The following SLC28A1 variants were observed in gnomAD, a reference collection of about 807,000 sequenced individuals.
SLC28A1 encodes solute carrier family 28 member 1.
SLC28A1 carries 64 observed loss-of-function variants against 74.8 expected under a neutral mutation model. The observed-to-expected ratio is 0.86, with a 90% CI of 0.70 to 1.05. The LOEUF is 1.05. Among genes scored for constraint, SLC28A1 ranks in the 50% least tolerant of loss-of-function variants. The pLI is 0.00. For missense variants in SLC28A1, 828 were observed against 822.8 expected, an observed-to-expected ratio of 1.01 and a Z score of -0.08; for synonymous variants, 359 against 335.0, an observed-to-expected ratio of 1.07 and a Z score of -0.78.
chr15:84,926,305 T>G (rs1970506283), intron 12 of SLC28A1, among the ~76,000 whole-genome samples: 1 of 151,390 alleles, frequency 6.6e-6, no homozygotes, highest in African/African-American at 2.4e-5. Context: ...CTCAAGCAAT[T>G]CTCCCACCTC....
chr15:84,895,832 TGAA>T, intron 6 of SLC28A1: 1 of 1,083,856 alleles, frequency 9.2e-7, no homozygotes, highest in Non-Finnish European at 1.1e-6. Flanking sequence ...ATTTTGTTGA[TGAA>T]GAAGCTGGTG....
rs1320134123 is a variant in SLC28A1 at position 84,920,249 on chromosome 15, C to A, written c.877-740C>A. On this transcript the variant is annotated intron_variant, in intron 10 of 18. Coordinates refer to ENST00000394573, the MANE Select transcript of SLC28A1 (RefSeq NM_004213.5). ...TCACCTGAGGTCAGGAGTTCGAGAC[C>A]AGTCTGGCCAACATAGTGAAACCTC... 2.0e-5 allele frequency among the ~76,000 whole-genome samples: 3 copies of A among 152,150 alleles called. No homozygotes were observed. In the East Asian group the frequency reaches 5.8e-4, roughly 29 times the overall value.
chr15:84,899,198 A>G (rs189775576), intron 6 of SLC28A1, among the ~76,000 whole-genome samples: 29 of 152,168 alleles, frequency 1.9e-4, no homozygotes, highest in Non-Finnish European at 3.4e-4. Flanking sequence ...AAAAAAATCA[A>G]CTCTAGAATA....
At chr15:84,891,806 G>T (rs756904869) in intron 5 of SLC28A1, among the ~76,000 whole-genome samples, 9 of 152,196 alleles carry the variant, frequency 5.9e-5, no homozygotes, top group African/African-American at 9.7e-5. Context: ...ATCAGGCGGG[G>T]AGGCTGAATG....
intron 12 of SLC28A1, among the ~76,000 whole-genome samples, chr15:84,928,150 C>T (rs1045898253): frequency 6.6e-6 from 1 of 152,184 alleles, no homozygotes; most frequent in Non-Finnish European, 1.5e-5. Context: ...TCCCCATTGA[C>T]AGGGCCTGGG....
chr15:84,920,275 A>G (rs1343803701), intron 10 of SLC28A1, among the ~76,000 whole-genome samples: 1 of 152,278 alleles, frequency 6.6e-6, no homozygotes, highest in East Asian at 1.9e-4. Context: ...GTGAAACCTC[A>G]TCTCTACTAA....
Position 84,890,429 on chromosome 15 carries a change from G to GA in SLC28A1, c.186-14_186-13insA. On this transcript the variant is annotated splice_polypyrimidine_tract_variant and intron_variant, in intron 4 of 18. Coordinates refer to ENST00000394573, the MANE Select transcript of SLC28A1 (RefSeq NM_004213.5). ...TGCTCATGCACTCATGGACCCTGCTGGTCTTGTTCCCAGGAGGAACCTGCA... is the reference window on the plus strand; with the variant it reads ...TGCTCATGCACTCATGGACCCTGCTGAGTCTTGTTCCCAGGAGGAACCTGCA... The GA allele has an allele frequency of 1.3e-6, 2 of 1,596,530 alleles. No individual in the cohort carries two copies. The highest frequency in any genetic ancestry group is 1.7e-6 in the Non-Finnish European group (2 of 1,170,498).
intron 15 of SLC28A1, among the ~76,000 whole-genome samples, chr15:84,942,963 T>C (rs935887831): frequency 1.3e-5 from 2 of 152,104 alleles, no homozygotes; most frequent in African/African-American, 4.8e-5. Context: ...GGTGGGCAGA[T>C]CATCTAAGGT....
chr15:84,944,933 G>T (rs890142380), intron 18 of SLC28A1, 66 bp downstream of exon 18: 3 of 1,253,460 alleles, frequency 2.4e-6, no homozygotes, highest in Non-Finnish European at 3.5e-6. Context: ...TGAGCGCTGG[G>T]GGGGATGCCT....
the SLC28A1 span, among the ~76,000 whole-genome samples, chr15:84,950,908 C>T: frequency 1.1e-3 from 167 of 152,218 alleles, 1 homozygote; most frequent in African/African-American, 3.7e-3. Flanking sequence ...CTACTCAACT[C>T]TGCACTTGTA....
chr15:84,929,500 C>T (rs551772196), intron 12 of SLC28A1, among the ~76,000 whole-genome samples: 12 of 151,082 alleles, frequency 7.9e-5, no homozygotes, highest in Middle Eastern at 3.4e-3. Flanking sequence ...GCCGAGATCG[C>T]CCCATTGCAC....
chr15:84,884,844 C>T (rs546237393), intron 1 of SLC28A1, 93 bp downstream of exon 1: 7 of 643,870 alleles, frequency 1.1e-5, no homozygotes, highest in African/African-American at 2.0e-5. Flanking sequence ...AAGCAGGTAG[C>T]GTCCTTTTTT....
In SLC28A1 at chr15:84,912,797, T is replaced by TGCAC. The variant is rs1555449049; in HGVS notation, c.795+4004_795+4005insACGC. On this transcript the variant is annotated intron_variant, in intron 9 of 18. Transcript: ENST00000394573. ...CCCAGTGGTCAACAGTGCCAAATTT[T>TGCAC]GCGCGCGCGCACACACACACACACA... 2.2e-3 allele frequency among the ~76,000 whole-genome samples: 255 copies of TGCAC among 118,232 alleles called. 1 individual carries two copies. Among genetic ancestry groups the TGCAC allele is most frequent in the African/African-American group, 8.1e-3 (245 of 30,192 alleles). 77.6% of individuals were successfully genotyped at this position (118,232 alleles called of 152,430 possible).
At chr15:84,890,129 C>T (rs1965196876) in intron 4 of SLC28A1, among the ~76,000 whole-genome samples, 1 of 21,674 alleles carries the variant, frequency 4.6e-5, no homozygotes, top group Admixed American at 1.1e-3. Context: ...GCCACCGCGC[C>T]CCCCCACCGG....
In SLC28A1 at chr15:84,944,588, G is replaced by A; in HGVS notation, c.1686G>A (p.Lys562=). The A allele has an allele frequency of 3.1e-6, 5 of 1,613,930 alleles. No homozygotes were observed. The highest frequency in any genetic ancestry group is 4.2e-6 in the Non-Finnish European group (5 of 1,179,762). Residue 562 remains lysine, a synonymous_variant, in exon 17 of 19, where the codon AAG becomes AAA. Coordinates refer to ENST00000394573, the MANE Select transcript of SLC28A1 (RefSeq NM_004213.5). ...CAGCCTCCATGGTCCCCCAACGGAAGAGCGACTTCTCCCAGATAGTGCTCC... is the reference window on the plus strand; with the variant it reads ...CAGCCTCCATGGTCCCCCAACGGAAAAGCGACTTCTCCCAGATAGTGCTCC... The part of the protein sequence containing the change: ...GGLTSMVPQR[K]SDFSQIVLRA...
the SLC28A1 span, among the ~76,000 whole-genome samples, chr15:84,968,938 A>AG: frequency 2.8e-3 from 420 of 152,258 alleles, 3 homozygotes; most frequent in African/African-American, 9.3e-3. Context: ...GAGGATCCTG[A>AG]GCTGGGGCAC....
At chr15:84,945,099 C>T (rs1398517922) in intron 18 of SLC28A1, 26 bp from the exon 19 acceptor site, 22 of 1,609,572 alleles carry the variant, frequency 1.4e-5, no homozygotes, top group Non-Finnish European at 1.7e-5. Context: ...CTGGAGCTCC[C>T]ACTGCGATCT....
intron 8 of SLC28A1, among the ~76,000 whole-genome samples, chr15:84,907,885 T>C (rs1967477660): frequency 6.6e-6 from 1 of 152,148 alleles, no homozygotes; most frequent in Admixed American, 6.5e-5. Context: ...GAGTTTCTTT[T>C]CTGGTCATGT....
chr15:84,925,124 T>C (rs1970356213), intron 12 of SLC28A1, among the ~76,000 whole-genome samples: 1 of 147,420 alleles, frequency 6.8e-6, no homozygotes, highest in South Asian at 2.2e-4. Flanking sequence ...TTTCACCATG[T>C]TGGCCAGGAT....
Sources: gnomAD v4.1 joint callset for allele counts (sites outside exome capture counted in the v4.1 genomes callset) on GRCh38, gnomAD v4.1.1 for gene constraint, MANE v1.5 for transcripts, NCBI Gene and HGNC (gene_info 2026-07-23, HGNC 2026-07-21) for gene names.